NGLY1: variants seen among roughly 807,000 people sequenced by gnomAD.
NGLY1 encodes the protein N-glycanase 1.
A neutral mutation model predicts 84.6 loss-of-function variants in NGLY1; 68 were observed. That is an observed-to-expected ratio of 0.80 (90% CI 0.66 to 0.98). The LOEUF (loss-of-function observed/expected upper bound fraction) is 0.98, where lower values mean the gene tolerates loss of function less well. NGLY1 is among the 50% of genes least tolerant of loss of function. NGLY1 has a pLI of 0.00. For synonymous variants in NGLY1, 280 were observed against 275.2 expected (o/e 1.02, Z -0.17); for missense variants, 779 against 770.2 (o/e 1.01, Z -0.14).
chr3:25,734,154 T>TGCC, intron 7 of NGLY1, 172 bp from the exon 8 acceptor site: 4 of 750,396 alleles, frequency 5.3e-6, no homozygotes, highest in South Asian at 2.2e-5. Context: ...GCAGTCTCAC[T>TGCC]TCCCAGGGTC....
chr3:25,740,356 T>C (rs907626910), intron 4 of NGLY1, among the ~76,000 whole-genome samples: 2 of 152,126 alleles, frequency 1.3e-5, no homozygotes, highest in African/African-American at 4.8e-5. Context: ...ATCTCTAGTA[T>C]ATATAACAAC....
At position 25,719,344 on chromosome 3, in the gene NGLY1, T is replaced by C; in HGVS notation, c.*116A>G. On this transcript the variant is annotated 3_prime_UTR_variant, in exon 12 of 12. Transcript: ENST00000280700. ...TCATGAGGGTTACATGATGGATAGCTAGCAAAAGAAATATGCTAGCACAGG... is the reference window on the plus strand; with the variant it reads ...TCATGAGGGTTACATGATGGATAGCCAGCAAAAGAAATATGCTAGCACAGG... The C allele has an allele frequency of 1.4e-6, 1 of 713,982 alleles. No homozygotes were observed. The highest frequency in any genetic ancestry group is 2.3e-6 in the Non-Finnish European group (1 of 434,890). 44.2% of individuals were successfully genotyped at this position (713,982 alleles called of 1,614,324 possible).
exon 1 of NGLY1, chr3:25,789,975 A>C (rs990973486): frequency 4.4e-6 from 6 of 1,352,796 alleles, no homozygotes; most frequent in Non-Finnish European, 6.2e-6. Context: ...GACCTCAGCC[A>C]AGGTGACGCG....
chr3:25,737,565 C>T lies in NGLY1; in HGVS notation c.882-110G>A, dbSNP rs1575620138. 12 of 959,074 alleles carry T rather than the reference C, an allele frequency of 1.3e-5. No homozygotes were observed. In the East Asian group the frequency reaches 1.3e-4, roughly 10 times the overall value. 59.4% of individuals were successfully genotyped at this position (959,074 alleles called of 1,614,324 possible). A position where few individuals can be genotyped will look rare whatever the true frequency, so the allele number is the denominator to read the frequency against. ...TTTAATTTTTTTTTTTTTTTTGAGA[C>T]GGAGTCTTGCTCTGTCACCCAGGCT... On this transcript the variant is annotated intron_variant, in intron 5 of 11. Coordinates refer to ENST00000280700, the MANE Select transcript of NGLY1 (RefSeq NM_018297.4).
intron 3 of NGLY1, among the ~76,000 whole-genome samples, chr3:25,762,205 G>C (rs549432907): frequency 1.3e-5 from 2 of 151,868 alleles, no homozygotes; most frequent in African/African-American, 4.8e-5. Flanking sequence ...TTATACACAG[G>C]TTAAATGCTT....
Position 25,729,094 on chromosome 3 carries a change from A to G in NGLY1, c.1611+39T>C, listed in dbSNP as rs1049511241. 5 of 1,300,498 alleles carry G rather than the reference A, an allele frequency of 3.8e-6. No individual in the cohort carries two copies. The African/African-American group carries it at 6.1e-5, about 16-fold the overall frequency. 80.6% of individuals were successfully genotyped at this position (1,300,498 alleles called of 1,614,324 possible). On this transcript the variant is annotated intron_variant, in intron 10 of 11. Coordinates refer to ENST00000280700, the MANE Select transcript of NGLY1 (RefSeq NM_018297.4). ...GAAGCCAATCTATATTTGTTTAAAC[A>G]ATGACAAAAGTTTTAAATGGTTTTA...
At position 25,751,163 on chromosome 3, in the gene NGLY1, A is replaced by C; in HGVS notation, c.593T>G (p.Ile198Ser). 6.2e-7 allele frequency: 1 copy of C among 1,613,874 alleles called. No homozygotes were observed. Among genetic ancestry groups the C allele is most frequent in the Non-Finnish European group, 8.5e-7 (1 of 1,179,894 alleles). ...TTTCCTTTTTAGTTCTTGGACCGGA[A>C]TACAAGCCAACGCTTTCTCCTGAAG... ...PALQEKALAC[I>S]PVQELKRKSQ... The change falls in exon 4 of 12, where the codon ATT becomes AGT. Residue 198 changes from isoleucine to serine, a missense_variant. By Grantham distance (142) the Ile-to-Ser change is moderately radical (BLOSUM62 -2). Transcript: ENST00000280700.
chr3:25,785,449 T>C (rs987572097), upstream of NGLY1, among the ~76,000 whole-genome samples: 4 of 151,706 alleles, frequency 2.6e-5, no homozygotes, highest in Admixed American at 1.3e-4. Flanking sequence ...GATACATTTA[T>C]TTATCCTTTA....
intron 8 of NGLY1, among the ~76,000 whole-genome samples, chr3:25,732,938 G>A (rs1441019521): frequency 1.3e-5 from 2 of 152,176 alleles, no homozygotes; most frequent in Non-Finnish European, 2.9e-5. Flanking sequence ...AAAGAATTGA[G>A]GTGAAGGGCA....
At chr3:25,789,977 G>C (rs1490231126) in exon 1 of NGLY1, 32 of 1,347,798 alleles carry the variant, frequency 2.4e-5, no homozygotes, top group Non-Finnish European at 3.2e-5. Context: ...CCTCAGCCAA[G>C]GTGACGCGGC....
intron 2 of NGLY1, among the ~76,000 whole-genome samples, chr3:25,775,796 C>T (rs1004727367): frequency 1.3e-5 from 2 of 152,116 alleles, no homozygotes; most frequent in African/African-American, 4.8e-5. Context: ...AATACGGTGA[C>T]TACGGTTAAA....
intron 2 of NGLY1, among the ~76,000 whole-genome samples, chr3:25,776,183 T>C (rs539306746): frequency 6.6e-6 from 1 of 152,360 alleles, no homozygotes; most frequent in South Asian, 2.1e-4. Flanking sequence ...TATTTGGCAC[T>C]GCAGTGACCA....
At position 25,764,109 on chromosome 3, in the gene NGLY1, C is replaced by T; in HGVS notation, c.449G>A (p.Arg150Lys). 1.9e-6 allele frequency: 3 copies of T among 1,614,190 alleles called. No homozygotes were observed. The highest frequency in any genetic ancestry group is 2.2e-5 in the South Asian group (2 of 91,086). The change falls in exon 3 of 12, where the codon AGG (arginine) becomes AAG (lysine). Residue 150 changes from arginine (R) to lysine (K), a missense_variant. Physicochemically the swap from Arg to Lys is conservative, Grantham distance 26. Coordinates refer to ENST00000280700, the MANE Select transcript of NGLY1 (RefSeq NM_018297.4). ...ATCTGATGACTGCCCTTGACGGTTC[C>T]TTGTGTGCTGGTTTAACCCACTGGG... is the stretch of plus-strand genomic sequence containing the variant. ...SNPSGLNQHT[R>K]NRQGQSSDPP...
intron 5 of NGLY1, among the ~76,000 whole-genome samples, chr3:25,738,685 G>C (rs964755297): frequency 9.9e-5 from 15 of 151,808 alleles, no homozygotes; most frequent in Non-Finnish European, 2.9e-5. Flanking sequence ...CTGGAGCGCA[G>C]TGGCACAATC....
intron 3 of NGLY1, 35 bp downstream of exon 3, chr3:25,764,027 TGAAA>T: frequency 6.2e-7 from 1 of 1,605,020 alleles, no homozygotes; most frequent in Non-Finnish European, 8.5e-7. Context: ...TTCAACACTT[TGAAA>T]GAAACAGTTA....
intron 1 of NGLY1, chr3:25,789,836 C>G (rs1460435306): frequency 1.9e-5 from 29 of 1,551,496 alleles, no homozygotes; most frequent in Non-Finnish European, 2.5e-5. Context: ...AAGAAAAATG[C>G]CTTTTTGATG....
chr3:25,732,237 G>A, intron 9 of NGLY1, 82 bp downstream of exon 9: 2 of 1,239,756 alleles, frequency 1.6e-6, no homozygotes, highest in South Asian at 1.7e-5. Context: ...CATAGTCAAT[G>A]CAGTTGGAGG....
intron 9 of NGLY1, among the ~76,000 whole-genome samples, chr3:25,731,330 G>A (rs1386641388): frequency 6.6e-6 from 1 of 151,958 alleles, no homozygotes; most frequent in African/African-American, 2.4e-5. Flanking sequence ...AAAAGAGAAT[G>A]AGGATATCCA....
At chr3:25,776,793 A>C (rs146808267) in intron 2 of NGLY1, among the ~76,000 whole-genome samples, 1 of 152,184 alleles carries the variant, frequency 6.6e-6, no homozygotes, top group Admixed American at 6.5e-5. Flanking sequence ...TTCTGTCACA[A>C]AAAGAAATCC....
Sources: allele counts gnomAD v4.1 joint callset (sites outside exome capture counted in the v4.1 genomes callset), GRCh38; gene constraint gnomAD v4.1.1; transcripts MANE v1.5; gene names NCBI Gene and HGNC (gene_info 2026-07-23, HGNC 2026-07-21).